Variants in DPH6 observed in about 807,000 individuals in gnomAD.
DPH6 encodes diphthine--ammonia ligase.
A neutral mutation model predicts 38.2 loss-of-function variants in DPH6; 33 were observed. The observed-to-expected ratio is 0.86, with a 90% confidence interval of 0.65 to 1.15. The LOEUF is 1.15. Among genes scored for constraint, DPH6 ranks in the 50% most tolerant of loss-of-function variants. The pLI is 0.00. For missense variants in DPH6, 325 were observed against 320.0 expected (o/e 1.02, Z -0.12); for synonymous variants, 108 against 103.0 (o/e 1.05, Z -0.30).
rs564395192 is a variant in DPH6 at position 35,371,207 on chromosome 15, G to C, written c.*943C>G. The C allele has an allele frequency of 1.3e-5, 2 of 151,722 alleles. No homozygotes were observed. The highest frequency in any genetic ancestry group is 3.0e-5 in the Non-Finnish European group (2 of 67,740). 9.4% of individuals were successfully genotyped at this position (151,722 alleles called of 1,614,324 possible). A position where few individuals can be genotyped will look rare whatever the true frequency, so the allele number is the denominator to read the frequency against. On this transcript the variant is annotated 3_prime_UTR_variant, in exon 9 of 9. Transcript: ENST00000256538. The stretch of plus-strand genomic sequence containing the variant: ...TTGCTAAGGGTTAAAGGAGAGGGAG[G>C]GATGAATAAGTAAAACACAGAGGAT...
intron 3 of DPH6, among the ~76,000 whole-genome samples, chr15:35,493,024 AAGAT>A (rs2054504593): frequency 6.6e-6 from 1 of 152,144 alleles, no homozygotes; most frequent in Non-Finnish European, 1.5e-5. Context: ...ACATTTAAAA[AAGAT>A]AGTGCCATTT....
chr15:35,298,166 G>A (rs2052028106), intron 3 of DPH6: 6 of 417,848 alleles, frequency 1.4e-5, no homozygotes, highest in African/African-American at 2.1e-5. Flanking sequence ...AGTCATGGAG[G>A]CTGTGACCTT....
chr15:35,171,708 G>A, the DPH6 span, among the ~76,000 whole-genome samples: 31 of 152,046 alleles, frequency 2.0e-4, no homozygotes, highest in African/African-American at 7.2e-4. Context: ...TGCTGCAGAC[G>A]TTGGATTTTT....
intron 4 of DPH6, among the ~76,000 whole-genome samples, chr15:35,454,078 G>T (rs1417645797): frequency 6.6e-6 from 1 of 151,872 alleles, no homozygotes; most frequent in Non-Finnish European, 1.5e-5. Flanking sequence ...ATTCATTCAG[G>T]TGGTGTCTTG....
At chr15:35,462,913 C>T (rs1160123788) in intron 3 of DPH6, among the ~76,000 whole-genome samples, 1 of 151,954 alleles carries the variant, frequency 6.6e-6, no homozygotes, top group East Asian at 1.9e-4. Context: ...TGACCTAAAA[C>T]AAAGGCAATA....
intron 3 of DPH6, among the ~76,000 whole-genome samples, chr15:35,262,054 C>A (rs962281736): frequency 2.6e-5 from 4 of 152,152 alleles, no homozygotes; most frequent in South Asian, 2.1e-4. Context: ...TTGTACTTTT[C>A]TCCGTGTTTA....
At chr15:35,333,771 T>C (rs1268898081) in intron 3 of DPH6, among the ~76,000 whole-genome samples, 1 of 152,200 alleles carries the variant, frequency 6.6e-6, no homozygotes, top group Admixed American at 6.6e-5. Flanking sequence ...GTCTCATTAC[T>C]GAGTATATAT....
chr15:35,545,061 G>A (rs1244242818), intron 1 of DPH6, among the ~76,000 whole-genome samples: 2 of 152,102 alleles, frequency 1.3e-5, no homozygotes, highest in Non-Finnish European at 2.9e-5. Flanking sequence ...ACTACAGTAG[G>A]TCTGAAATCT....
chr15:35,283,235 C>T lies in DPH6; in HGVS notation n.201-62653G>A, dbSNP rs574892485. Among the ~76,000 whole-genome samples, 63 of 143,150 alleles carry T rather than the reference C, an allele frequency of 4.4e-4. 1 individual carries two copies. Among genetic ancestry groups the T allele is most frequent in the African/African-American group, 1.5e-3 (59 of 38,836 alleles). 93.9% of individuals were successfully genotyped at this position (143,150 alleles called of 152,430 possible). On this transcript the variant is annotated intron_variant and non_coding_transcript_variant, in intron 3 of 3. Coordinates refer to the DPH6 transcript ENST00000560386. Reference sequence around the variant, plus strand: ...CTCTTCCTCTTCTTTCTTCTTTCTTCCTCTTCCTCCTCCTACTCCTCTTCT... The same window carrying T: ...CTCTTCCTCTTCTTTCTTCTTTCTTTCTCTTCCTCCTCCTACTCCTCTTCT...
At chr15:35,372,288 C>G in intron 8 of DPH6, 85 bp from the exon 9 acceptor site, 1 of 1,119,638 alleles carries the variant, frequency 8.9e-7, no homozygotes. Flanking sequence ...AGATGTAATA[C>G]TGTTATCTGA....
intron 3 of DPH6, among the ~76,000 whole-genome samples, chr15:35,280,000 G>C (rs181196336): frequency 6.6e-6 from 1 of 152,160 alleles, no homozygotes; most frequent in Non-Finnish European, 1.5e-5. Flanking sequence ...GGCCATATGA[G>C]GACACAGTGA....
At chr15:35,544,111 T>C (rs1292769291) in intron 1 of DPH6, among the ~76,000 whole-genome samples, 1 of 152,180 alleles carries the variant, frequency 6.6e-6, no homozygotes, top group Non-Finnish European at 1.5e-5. Context: ...TAAGTACACA[T>C]GTATGTTAGG....
intron 5 of DPH6, among the ~76,000 whole-genome samples, chr15:35,414,727 C>A (rs1244441904): frequency 2.0e-5 from 3 of 150,210 alleles, no homozygotes; most frequent in Non-Finnish European, 4.4e-5. Flanking sequence ...TGGTGAATTA[C>A]TTTTTCTCTT....
the DPH6 span, among the ~76,000 whole-genome samples, chr15:35,171,833 A>C: frequency 6.6e-6 from 1 of 151,616 alleles, no homozygotes; most frequent in Non-Finnish European, 1.5e-5. Context: ...ACATAGCCTG[A>C]AAATAGTATT....
In DPH6 at chr15:35,239,382, G is replaced by A. The variant is rs1362773049; in HGVS notation, n.201-18800C>T. Among the ~76,000 whole-genome samples, 3 of 143,898 alleles carry A rather than the reference G, an allele frequency of 2.1e-5. 1 individual carries two copies. Among genetic ancestry groups the A allele is most frequent in the Non-Finnish European group, 4.6e-5 (3 of 65,532 alleles). 94.4% of individuals were successfully genotyped at this position (143,898 alleles called of 152,430 possible). A position where few individuals can be genotyped will look rare whatever the true frequency, so the allele number is the denominator to read the frequency against. ...TTATCTGTGGACCCCAAACTCCGGC[G>A]CCGGTCACGGACTGGGAAGGCAGCC... On this transcript the variant is annotated intron_variant and non_coding_transcript_variant, in intron 3 of 3. Transcript: ENST00000560386.
intron 3 of DPH6, among the ~76,000 whole-genome samples, chr15:35,499,334 G>A (rs552446143): frequency 7.5e-4 from 114 of 152,040 alleles, no homozygotes; most frequent in South Asian, 2.1e-3. Context: ...TTCCCCCCAG[G>A]TTCTTTTTCT....
Position 35,546,155 on chromosome 15 carries a change from C to T in DPH6, c.-14G>A, listed in dbSNP as rs1003290403. 2 of 1,377,828 alleles carry T rather than the reference C, an allele frequency of 1.5e-6. No individual in the cohort carries two copies. The highest frequency in any genetic ancestry group is 2.6e-5 in the Admixed American group (1 of 37,944). 85.4% of individuals were successfully genotyped at this position (1,377,828 alleles called of 1,614,324 possible). On this transcript the variant is annotated 5_prime_UTR_variant, in exon 1 of 9. Coordinates refer to ENST00000256538, the MANE Select transcript of DPH6 (RefSeq NM_080650.4). ...CGCGACCCTCATGCTGGGCGCAGTG[C>T]GCGTGCGTGCGGCGAGCGCGGGCGG...
chr15:35,329,603 C>T (rs552408157), downstream of DPH6, among the ~76,000 whole-genome samples: 1 of 152,176 alleles, frequency 6.6e-6, no homozygotes, highest in Non-Finnish European at 1.5e-5. Flanking sequence ...GGCAGAGAAG[C>T]CTGAGTGAAC....
At chr15:35,469,540 G>A (rs1361631448) in intron 3 of DPH6, among the ~76,000 whole-genome samples, 1 of 152,162 alleles carries the variant, frequency 6.6e-6, no homozygotes, top group Non-Finnish European at 1.5e-5. Context: ...ATAGATTCTG[G>A]TGTTATATGG....
Sources: allele counts gnomAD v4.1 joint callset (sites outside exome capture counted in the v4.1 genomes callset), GRCh38; gene constraint gnomAD v4.1.1; transcripts MANE v1.5; gene names NCBI Gene and HGNC (gene_info 2026-07-23, HGNC 2026-07-21).